The following CHL1 variants were observed in gnomAD, a reference collection of about 807,000 sequenced individuals.
The protein encoded by CHL1 is cell adhesion molecule L1 like, also known as neural cell adhesion molecule L1-like protein.
Under a neutral mutation model 141.9 loss-of-function variants are expected in CHL1, and 96 were observed. That is an observed-to-expected ratio of 0.68 (90% CI 0.57 to 0.80). The LOEUF is 0.80. CHL1 is among the 30% of genes least tolerant of loss of function. CHL1 has a pLI of 0.00. For synonymous variants in CHL1, 613 were observed against 502.2 expected (o/e 1.22, Z -2.95); for missense variants, 1,820 against 1,457.2 (o/e 1.25, Z -4.05).
chr3:397,393 C>T (rs996491014), intron 24 of CHL1, among the ~76,000 whole-genome samples: 2 of 151,872 alleles, frequency 1.3e-5, no homozygotes, highest in Non-Finnish European at 2.9e-5. Flanking sequence ...TGATCTGTAA[C>T]ATATACCCAC....
At chr3:292,530 C>A (rs1274628625) in intron 2 of CHL1, among the ~76,000 whole-genome samples, 1 of 152,178 alleles carries the variant, frequency 6.6e-6, no homozygotes, top group Non-Finnish European at 1.5e-5. Context: ...ATTCACCACA[C>A]CACAGTAGGT....
Position 389,435 on chromosome 3 carries a change from C to T in CHL1, c.2431C>T (p.Pro811Ser). 4 of 1,614,164 alleles carry T rather than the reference C, an allele frequency of 2.5e-6. No individual in the cohort carries two copies. The highest frequency in any genetic ancestry group is 1.1e-5 in the South Asian group (1 of 91,074). ...VQAINQLGSG[P>S]DPQSVTLYSG... ...GGCTATCAATCAACTAGGATCTGGG[C>T]CTGACCCTCAGTCAGTGACTCTCTA... Residue 811 changes from proline (P) to serine (S), a missense_variant, in exon 20 of 28, where the codon CCT becomes TCT. By Grantham distance (74) the Pro-to-Ser change is moderately conservative. Coordinates refer to ENST00000256509, the MANE Select transcript of CHL1 (RefSeq NM_006614.4).
chr3:231,142 A>T (rs1439100345), intron 1 of CHL1, among the ~76,000 whole-genome samples: 1 of 152,242 alleles, frequency 6.6e-6, no homozygotes, highest in Non-Finnish European at 1.5e-5. Flanking sequence ...TTTGTCTAAC[A>T]GGAATTTTGT....
chr3:296,136 G>C (rs1287095548), intron 2 of CHL1, among the ~76,000 whole-genome samples: 1 of 152,014 alleles, frequency 6.6e-6, no homozygotes, highest in East Asian at 1.9e-4. Context: ...TGAGTCTCTT[G>C]GTGCATCAGC....
chr3:326,769 A>G (rs1701047094), intron 4 of CHL1, among the ~76,000 whole-genome samples: 1 of 151,916 alleles, frequency 6.6e-6, no homozygotes, highest in South Asian at 2.1e-4. Flanking sequence ...GCAAAGCTAC[A>G]TACTTTTATT....
chr3:339,859 A>G (rs1702225607), intron 5 of CHL1, among the ~76,000 whole-genome samples: 1 of 152,208 alleles, frequency 6.6e-6, no homozygotes, highest in African/African-American at 2.4e-5. Context: ...AATGAAACAT[A>G]CAAATAAATA....
At position 319,841 on chromosome 3, in the gene CHL1, C is replaced by T. The variant is rs772293343; in HGVS notation, c.65C>T (p.Ser22Leu). 5.6e-6 allele frequency: 9 copies of T among 1,600,836 alleles called. No individual in the cohort carries two copies. The highest frequency in any genetic ancestry group is 1.7e-5 in the Admixed American group (1 of 59,582). ...CTAATGTTCCTCCTGTTAAAATTCT[C>T]AAAAGCAATTGAAATACCATCTTCA... is the stretch of plus-strand genomic sequence containing the variant. ...VYLMFLLLKF[S>L]KAIEIPSSVQ... Residue 22 changes from serine (S) to leucine (L), a missense_variant, in exon 3 of 28, where the codon TCA becomes TTA. Physicochemically the swap from Ser to Leu is moderately radical, Grantham distance 145 (BLOSUM62 -2). Coordinates refer to ENST00000256509, the MANE Select transcript of CHL1 (RefSeq NM_006614.4).
At chr3:365,591 TC>T (rs1704770783) in intron 14 of CHL1, among the ~76,000 whole-genome samples, 1 of 152,204 alleles carries the variant, frequency 6.6e-6, no homozygotes, top group Non-Finnish European at 1.5e-5. Flanking sequence ...CAAATATCTT[TC>T]CCTTTTCCTT....
rs5845952 is a variant in CHL1, at chr3:214,956, G to GCACACA, written c.-175+17915_-175+17920dup. Among the ~76,000 whole-genome samples, 1,142 of 150,322 alleles carry GCACACA rather than the reference G, an allele frequency of 7.6e-3. 27 individuals carry two copies. In the East Asian group the frequency reaches 0.083, roughly 11 times the overall value. ...ATTGAAATGCCTAGCATGTGCACGTGCACACACACACACACACACACACAC... is the reference window on the plus strand; with the variant it reads ...ATTGAAATGCCTAGCATGTGCACGTGCACACACACACACACACACACACACACACAC... On this transcript the variant is annotated intron_variant, in intron 1 of 27. Transcript: ENST00000256509.
intron 2 of CHL1, among the ~76,000 whole-genome samples, chr3:303,492 G>T (rs931781986): frequency 6.6e-6 from 1 of 152,124 alleles, no homozygotes; most frequent in South Asian, 2.1e-4. Flanking sequence ...TATTATCTCA[G>T]TAGCAATTGT....
intron 2 of CHL1, among the ~76,000 whole-genome samples, chr3:260,929 G>A (rs985116221): frequency 6.6e-6 from 1 of 151,918 alleles, no homozygotes; most frequent in African/African-American, 2.4e-5. Flanking sequence ...AATTAGCCTG[G>A]TTTTTTTTGG....
intron 2 of CHL1, among the ~76,000 whole-genome samples, chr3:251,967 A>G (rs952554812): frequency 2.0e-5 from 3 of 152,080 alleles, no homozygotes; most frequent in Non-Finnish European, 2.9e-5. Context: ...AACTAAAAAT[A>G]TCAAGCTGAG....
At chr3:270,805 G>A (rs1042856455) in intron 2 of CHL1, among the ~76,000 whole-genome samples, 5 of 152,334 alleles carry the variant, frequency 3.3e-5, no homozygotes, top group Middle Eastern at 3.4e-3. Context: ...CACATGGCTC[G>A]TAGTGGACGT....
At chr3:387,150 G>A (rs1272741587) in intron 19 of CHL1, among the ~76,000 whole-genome samples, 1 of 152,114 alleles carries the variant, frequency 6.6e-6, no homozygotes, top group East Asian at 1.9e-4. Context: ...AAACTATGTT[G>A]GACGTGCAAG....
At chr3:266,666 A>G (rs1187142559) in intron 2 of CHL1, among the ~76,000 whole-genome samples, 2 of 152,194 alleles carry the variant, frequency 1.3e-5, no homozygotes, top group East Asian at 3.9e-4. Context: ...TTGAAATAAA[A>G]CTTGCATTTC....
At chr3:237,010 A>G (rs1692053087) in intron 1 of CHL1, among the ~76,000 whole-genome samples, 1 of 152,190 alleles carries the variant, frequency 6.6e-6, no homozygotes. Context: ...ATAGCAAGGA[A>G]TCAAACTCGT....
chr3:390,929 C>T (rs748677336), intron 21 of CHL1, 26 bp from the exon 22 acceptor site: 4 of 1,599,890 alleles, frequency 2.5e-6, no homozygotes, highest in African/African-American at 2.7e-5. Flanking sequence ...AATGGATATA[C>T]TAAAAGATTT....
At chr3:213,980 G>C (rs1353530830) in intron 1 of CHL1, among the ~76,000 whole-genome samples, 1 of 152,132 alleles carries the variant, frequency 6.6e-6, no homozygotes, top group Admixed American at 6.6e-5. Context: ...CCTAATTTGA[G>C]TCAGGTTAGA....
At chr3:228,188 T>C (rs1052223663) in intron 1 of CHL1, among the ~76,000 whole-genome samples, 16 of 152,210 alleles carry the variant, frequency 1.1e-4, no homozygotes, top group African/African-American at 3.1e-4. Context: ...CAATATGTTT[T>C]TTAAGGACAA....
Sources: gnomAD v4.1 joint callset for allele counts (sites outside exome capture counted in the v4.1 genomes callset) on GRCh38, gnomAD v4.1.1 for gene constraint, MANE v1.5 for transcripts, NCBI Gene and HGNC (gene_info 2026-07-23, HGNC 2026-07-21) for gene names.